RAP1GAP2: variants seen among roughly 807,000 people sequenced by gnomAD.
RAP1GAP2 encodes RAP1 GTPase activating protein 2.
A neutral mutation model predicts 95.0 loss-of-function variants in RAP1GAP2; 27 were observed. The observed-to-expected ratio is 0.28, with a 90% confidence interval of 0.21 to 0.39. The LOEUF (loss-of-function observed/expected upper bound fraction) is 0.39, where lower values mean the gene tolerates loss of function less well. RAP1GAP2 is among the 10% of genes least tolerant of loss of function. The pLI is 1.00. For synonymous variants in RAP1GAP2, 373 were observed against 380.9 expected (o/e 0.98, Z 0.24); for missense variants, 771 against 970.0 (o/e 0.79, Z 2.72).
At chr17:2,790,908 C>G (rs912390615) in intron 1 of RAP1GAP2, among the ~76,000 whole-genome samples, 1 of 152,164 alleles carries the variant, frequency 6.6e-6, no homozygotes, top group Non-Finnish European at 1.5e-5. Flanking sequence ...CTCAAAAGCC[C>G]GTAGAGGCCG....
intron 2 of RAP1GAP2, among the ~76,000 whole-genome samples, chr17:2,809,253 C>T (rs2069654894): frequency 6.6e-6 from 1 of 152,236 alleles, no homozygotes; most frequent in Non-Finnish European, 1.5e-5. Flanking sequence ...AGCCGGCTGG[C>T]AGCCCTGGCC....
At chr17:2,800,616 T>TC in intron 2 of RAP1GAP2, 66 bp downstream of exon 2, 2 of 1,531,440 alleles carry the variant, frequency 1.3e-6, no homozygotes, top group African/African-American at 1.4e-5. Flanking sequence ...GGGCCCTTGC[T>TC]CCCCCCAGGT....
intron 3 of RAP1GAP2, among the ~76,000 whole-genome samples, chr17:2,916,092 C>T (rs2042558298): frequency 6.6e-6 from 1 of 152,112 alleles, no homozygotes; most frequent in South Asian, 2.1e-4. Context: ...TCATTTATTG[C>T]CATATGGATA....
intron 2 of RAP1GAP2, among the ~76,000 whole-genome samples, chr17:2,805,663 G>T (rs1378298338): frequency 6.6e-6 from 1 of 152,068 alleles, no homozygotes; most frequent in Non-Finnish European, 1.5e-5. Flanking sequence ...GTGAGCCACT[G>T]CACCTGGCCA....
intron 3 of RAP1GAP2, among the ~76,000 whole-genome samples, chr17:2,936,698 C>T (rs907194924): frequency 2.6e-5 from 4 of 152,014 alleles, no homozygotes; most frequent in Non-Finnish European, 4.4e-5. Context: ...TACTGTGTAC[C>T]ATTAGACGCA....
intron 2 of RAP1GAP2, among the ~76,000 whole-genome samples, chr17:2,828,452 C>A (rs2070685079): frequency 6.7e-6 from 1 of 150,138 alleles, no homozygotes; most frequent in African/African-American, 2.5e-5. Context: ...TTGAAGGAGA[C>A]CCGAAGGAAG....
intron 1 of RAP1GAP2, among the ~76,000 whole-genome samples, chr17:2,791,254 C>G (rs1007858040): frequency 1.3e-5 from 2 of 152,118 alleles, no homozygotes; most frequent in Non-Finnish European, 2.9e-5. Flanking sequence ...CCCTGGAGCT[C>G]TGCCCTGGGG....
At chr17:2,985,517 G>A (rs1349688833) in intron 11 of RAP1GAP2, among the ~76,000 whole-genome samples, 1 of 152,188 alleles carries the variant, frequency 6.6e-6, no homozygotes, top group Non-Finnish European at 1.5e-5. Flanking sequence ...GTGACATCAT[G>A]TTGGCAGCTT....
At chr17:2,956,616 G>A (rs548961233) in intron 3 of RAP1GAP2, among the ~76,000 whole-genome samples, 14 of 152,340 alleles carry the variant, frequency 9.2e-5, no homozygotes, top group Non-Finnish European at 1.6e-4. Flanking sequence ...TCCCGGCTTC[G>A]CGGTGCCCAG....
At chr17:2,761,518 G>A (rs1207028103) in intron 1 of RAP1GAP2, among the ~76,000 whole-genome samples, 6 of 149,106 alleles carry the variant, frequency 4.0e-5, no homozygotes. Context: ...AGACTCCCAG[G>A]CTCAGGTGAT....
At chr17:2,981,563 G>C (rs370038903) in intron 10 of RAP1GAP2, among the ~76,000 whole-genome samples, 3 of 152,126 alleles carry the variant, frequency 2.0e-5, no homozygotes, top group Admixed American at 1.3e-4. Flanking sequence ...GGAGGTGGAC[G>C]TGACTCTGTA....
At chr17:2,932,451 C>T (rs996232108) in intron 3 of RAP1GAP2, among the ~76,000 whole-genome samples, 5 of 151,720 alleles carry the variant, frequency 3.3e-5, no homozygotes, top group Non-Finnish European at 2.9e-5. Context: ...GAAGGGTGTT[C>T]GGTATGTGGT....
intron 2 of RAP1GAP2, among the ~76,000 whole-genome samples, chr17:2,877,716 A>G (rs2073147179): frequency 6.6e-6 from 1 of 152,208 alleles, no homozygotes; most frequent in Admixed American, 6.5e-5. Context: ...GCGCCACTGT[A>G]CTTCAGCCTG....
rs184593675 is a variant in RAP1GAP2, at chr17:2,927,928, G to A, written c.165+22560G>A. ...TCAGATGTCCTTGCCCTGATCCCAC[G>A]ACCATGAGACTTGAAGGGCAGGGAT... On this transcript the variant is annotated intron_variant, in intron 3 of 24. Transcript: ENST00000254695. Among the ~76,000 whole-genome samples, 8 of 152,252 alleles carry A rather than the reference G, an allele frequency of 5.3e-5. No individual in the cohort carries two copies. In the East Asian group the frequency reaches 7.7e-4, roughly 15 times the overall value.
chr17:2,798,730 T>C (rs1034222303), intron 1 of RAP1GAP2, among the ~76,000 whole-genome samples: 2 of 152,172 alleles, frequency 1.3e-5, no homozygotes, highest in African/African-American at 4.8e-5. Context: ...CACAGTCCTC[T>C]CCATCTCCCA....
chr17:2,906,487 G>T lies in RAP1GAP2; in HGVS notation c.165+1119G>T, dbSNP rs149364193. On this transcript the variant is annotated intron_variant, in intron 3 of 24. Transcript: ENST00000254695. This position sits in a 1 kb window ranked among gnomAD's most constrained non-coding sequence, Gnocchi z 4.3. ...GCGGTGGGCGGGGGGGCAGGACAGGGTGCAGGGCTGACCAAGGAGAGCTGT... is the reference window on the plus strand; with the variant it reads ...GCGGTGGGCGGGGGGGCAGGACAGGTTGCAGGGCTGACCAAGGAGAGCTGT... Among the ~76,000 whole-genome samples the T allele has an allele frequency of 2.2e-3, 338 of 152,156 alleles. No homozygotes were observed. The highest frequency in any genetic ancestry group is 7.8e-3 in the African/African-American group (323 of 41,530).
chr17:2,821,379 T>G (rs2070299703), intron 2 of RAP1GAP2, among the ~76,000 whole-genome samples: 1 of 147,870 alleles, frequency 6.8e-6, no homozygotes, highest in Non-Finnish European at 1.5e-5. Flanking sequence ...ACACCTTTTT[T>G]TTTTTTTTTT....
At chr17:2,897,555 T>C (rs1204233883) in intron 2 of RAP1GAP2, among the ~76,000 whole-genome samples, 1 of 151,946 alleles carries the variant, frequency 6.6e-6, no homozygotes, top group Non-Finnish European at 1.5e-5. Flanking sequence ...AGATGGGGTT[T>C]CACCATGTTG....
chr17:2,944,878 T>C (rs1351885177), intron 3 of RAP1GAP2, among the ~76,000 whole-genome samples: 1 of 152,184 alleles, frequency 6.6e-6, no homozygotes, highest in Non-Finnish European at 1.5e-5. Context: ...TTCTTTTTAA[T>C]GCTATTTTAT....
Sources: gnomAD v4.1 joint callset for allele counts (sites outside exome capture counted in the v4.1 genomes callset) on GRCh38, gnomAD v4.1.1 for gene constraint, Gnocchi (gnomAD v3.1) non-coding constraint, MANE v1.5 for transcripts, NCBI Gene and HGNC (gene_info 2026-07-23, HGNC 2026-07-21) for gene names.